Variants in PDE4B observed in about 807,000 individuals in gnomAD.
PDE4B encodes the protein phosphodiesterase 4B.
In PDE4B, 20 loss-of-function variants were observed where a neutral mutation model predicts 82.2. The observed-to-expected ratio is 0.24, with a 90% CI of 0.17 to 0.35. PDE4B has a LOEUF of 0.35. PDE4B is among the 10% of genes least tolerant of loss of function. The pLI, the probability that PDE4B is intolerant of heterozygous loss-of-function variation, is 1.00. For missense variants in PDE4B, 655 were observed against 907.2 expected (o/e 0.72, Z 3.57); for synonymous variants, 320 against 318.9 (o/e 1.00, Z -0.04).
intron 1 of PDE4B, among the ~76,000 whole-genome samples, chr1:65,820,881 G>C (rs1645944423): frequency 6.6e-6 from 1 of 152,186 alleles, no homozygotes; most frequent in African/African-American, 2.4e-5. Context: ...AGATTAGATG[G>C]ACAGAATTTG....
intron 7 of PDE4B, among the ~76,000 whole-genome samples, chr1:66,299,804 GTTT>G (rs1343583530): frequency 6.6e-6 from 1 of 152,134 alleles, no homozygotes; most frequent in Non-Finnish European, 1.5e-5. Flanking sequence ...GTGTTTGCCT[GTTT>G]TGTGTTGAGG....
chr1:65,852,199 C>A (rs1229318525), intron 1 of PDE4B, among the ~76,000 whole-genome samples: 2 of 151,920 alleles, frequency 1.3e-5, no homozygotes, highest in Non-Finnish European at 2.9e-5. Context: ...TCTGGTTAGA[C>A]TATCAGGGTT....
intron 3 of PDE4B, among the ~76,000 whole-genome samples, chr1:65,987,428 G>A (rs563134019): frequency 2.6e-5 from 4 of 152,226 alleles, no homozygotes; most frequent in Admixed American, 1.3e-4. Context: ...TGAACTTCTA[G>A]CAATATGACT....
chr1:66,321,730 G>A (rs996790384), intron 7 of PDE4B, among the ~76,000 whole-genome samples: 4 of 152,142 alleles, frequency 2.6e-5, no homozygotes, highest in African/African-American at 9.7e-5. Context: ...TCAATATCGT[G>A]AACATGGCCA....
chr1:66,123,186 T>A (rs1557578001), intron 3 of PDE4B, among the ~76,000 whole-genome samples: 1 of 152,224 alleles, frequency 6.6e-6, no homozygotes, highest in Admixed American at 6.5e-5. Context: ...TTCCTTTTTT[T>A]GAAGACAATG....
intron 3 of PDE4B, among the ~76,000 whole-genome samples, chr1:66,139,060 C>A (rs907065450): frequency 6.6e-6 from 1 of 152,172 alleles, no homozygotes; most frequent in Admixed American, 6.5e-5. Flanking sequence ...CTAATTATAA[C>A]CTCTGTATTT....
chr1:66,055,544 A>G (rs1232471802), intron 3 of PDE4B, among the ~76,000 whole-genome samples: 2 of 152,234 alleles, frequency 1.3e-5, no homozygotes, highest in African/African-American at 4.8e-5. Flanking sequence ...TAACAAGTAC[A>G]TGAGAATGGA....
intron 3 of PDE4B, among the ~76,000 whole-genome samples, chr1:66,108,870 T>C (rs762971269): frequency 2.0e-5 from 3 of 152,020 alleles, no homozygotes; most frequent in Non-Finnish European, 2.9e-5. Context: ...AATGATTTGA[T>C]ATCATTTTCC....
At chr1:65,837,785 T>C (rs937381712) in intron 1 of PDE4B, among the ~76,000 whole-genome samples, 3 of 151,790 alleles carry the variant, frequency 2.0e-5, no homozygotes, top group African/African-American at 7.3e-5. Flanking sequence ...ATTTGTTACA[T>C]AGGTAAACTT....
chr1:66,266,814 A>C (rs1655081232), intron 7 of PDE4B: 2 of 426,540 alleles, frequency 4.7e-6, no homozygotes, highest in Non-Finnish European at 9.5e-6. Flanking sequence ...TAAAGTCCAA[A>C]TAATGTTTTC....
intron 3 of PDE4B, among the ~76,000 whole-genome samples, chr1:66,080,918 A>T (rs1279518587): frequency 2.0e-5 from 3 of 152,078 alleles, no homozygotes; most frequent in African/African-American, 7.2e-5. Flanking sequence ...CTCCACAACT[A>T]GTAGGCTCCA....
At chr1:66,238,371 T>C (rs1652627594) in intron 3 of PDE4B, among the ~76,000 whole-genome samples, 2 of 152,140 alleles carry the variant, frequency 1.3e-5, no homozygotes. Context: ...GGCTAGATTA[T>C]GTGAAAATTT....
intron 7 of PDE4B, among the ~76,000 whole-genome samples, chr1:66,316,886 G>A (rs1659063876): frequency 6.6e-6 from 1 of 152,208 alleles, no homozygotes; most frequent in Non-Finnish European, 1.5e-5. Flanking sequence ...GCTGAGTTCA[G>A]TTAAGTGACG....
At chr1:65,815,879 C>T (rs920918266) in intron 1 of PDE4B, among the ~76,000 whole-genome samples, 4 of 152,146 alleles carry the variant, frequency 2.6e-5, no homozygotes, top group Admixed American at 6.5e-5. Context: ...ATTCACCTGC[C>T]TCAAGTTTTT....
intron 1 of PDE4B, among the ~76,000 whole-genome samples, chr1:65,883,254 C>A (rs1646730764): frequency 6.6e-6 from 1 of 152,118 alleles, no homozygotes; most frequent in South Asian, 2.1e-4. Flanking sequence ...GGCAGTATGG[C>A]CATTTTCACA....
chr1:65,919,583 T>G (rs1214679493), intron 3 of PDE4B, among the ~76,000 whole-genome samples: 2 of 152,242 alleles, frequency 1.3e-5, no homozygotes, highest in Non-Finnish European at 2.9e-5. Context: ...ATCATGAAAG[T>G]GAAAAATATT....
intron 3 of PDE4B, among the ~76,000 whole-genome samples, chr1:66,106,736 G>T (rs1343091517): frequency 1.3e-5 from 2 of 151,402 alleles, no homozygotes; most frequent in Non-Finnish European, 3.0e-5. Flanking sequence ...AGAGGTGTTT[G>T]TAGTATTCTC....
chr1:65,860,110 C>T (rs1413849552), intron 1 of PDE4B, among the ~76,000 whole-genome samples: 3 of 152,168 alleles, frequency 2.0e-5, no homozygotes, highest in Admixed American at 6.6e-5. Flanking sequence ...ATACATTTGC[C>T]ATGGTGGTTT....
chr1:66,085,120 G>A (rs567689270), intron 3 of PDE4B, among the ~76,000 whole-genome samples: 28 of 152,220 alleles, frequency 1.8e-4, no homozygotes, highest in Middle Eastern at 3.4e-3. Flanking sequence ...GAACGGAATC[G>A]CCTGGGGATG....
Sources: gnomAD v4.1 joint callset for allele counts (sites outside exome capture counted in the v4.1 genomes callset) on GRCh38, gnomAD v4.1.1 for gene constraint, MANE v1.5 for transcripts, NCBI Gene and HGNC (gene_info 2026-07-23, HGNC 2026-07-21) for gene names.